The following MYLK2 variants were observed in gnomAD, a reference collection of about 807,000 sequenced individuals.
MYLK2 encodes the protein myosin light chain kinase 2, skeletal/cardiac muscle.
MYLK2 carries 27 observed loss-of-function variants against 58.2 expected under a neutral mutation model. That is an observed-to-expected ratio of 0.46 (90% confidence interval 0.34 to 0.64). The LOEUF (loss-of-function observed/expected upper bound fraction) is 0.64. MYLK2 is among the 30% of genes least tolerant of loss of function. The pLI, the probability that MYLK2 is intolerant of heterozygous loss-of-function variation, is 0.01. For synonymous variants in MYLK2, 310 were observed against 296.7 expected (o/e 1.04, Z -0.46); for missense variants, 676 against 764.3 (o/e 0.88, Z 1.36).
chr20:31,831,267 G>T, intron 10 of MYLK2, 126 bp downstream of exon 10: 1 of 1,435,582 alleles, frequency 7.0e-7, no homozygotes, highest in South Asian at 1.2e-5. Context: ...TCAGGGGTTT[G>T]CTGGGGTTGG....
chr20:31,830,723 C>T, intron 8 of MYLK2, 96 bp from the exon 9 acceptor site: 1 of 1,288,166 alleles, frequency 7.8e-7, no homozygotes, highest in Admixed American at 1.7e-5. Flanking sequence ...GCAGCTTGGG[C>T]CTCTGCCTCA....
At chr20:31,821,353 A>G (rs2062251060) in intron 3 of MYLK2, 86 bp from the exon 4 acceptor site, 1 of 1,546,334 alleles carries the variant, frequency 6.5e-7, no homozygotes, top group African/African-American at 1.4e-5. Context: ...GTGGGGTTGG[A>G]TTAGCTCTGC....
intron 5 of MYLK2, 142 bp from the exon 6 acceptor site, chr20:31,824,117 G>A: frequency 6.6e-7 from 1 of 1,519,290 alleles, no homozygotes; most frequent in Non-Finnish European, 8.8e-7. Flanking sequence ...AGTCAGGGCT[G>A]GCTGGGGTGA....
At chr20:31,824,409 GGCACCTCTC>G (rs1255573232) in intron 6 of MYLK2, 57 bp downstream of exon 6, 3 of 1,567,630 alleles carry the variant, frequency 1.9e-6, no homozygotes, top group Non-Finnish European at 2.6e-6. Context: ...CCTTGGAGTG[GGCACCTCTC>G]GCCTCCCTCC....
Position 31,834,558 on chromosome 20 carries a change from C to T in MYLK2, c.*761C>T, listed in dbSNP as rs1045757080. 2.6e-5 allele frequency: 4 copies of T among 152,752 alleles called. No individual in the cohort carries two copies. The highest frequency in any genetic ancestry group is 9.6e-5 in the African/African-American group (4 of 41,466). 9.5% of individuals were successfully genotyped at this position (152,752 alleles called of 1,614,324 possible). A position where few individuals can be genotyped will look rare whatever the true frequency, so the allele number is the denominator to read the frequency against. On this transcript the variant is annotated 3_prime_UTR_variant, in exon 13 of 13. Coordinates refer to ENST00000375985, the MANE Select transcript of MYLK2 (RefSeq NM_033118.4). ...CCGGCCCAACCCAACCACTCGGGGC[C>T]CCCATCTTGGGGGTCACCCATGGCC...
intron 6 of MYLK2, chr20:31,824,605 C>A: frequency 1.0e-6 from 1 of 970,958 alleles, no homozygotes; most frequent in Non-Finnish European, 1.2e-6. Flanking sequence ...GATATTCATG[C>A]CCTCTGGTTC....
chr20:31,824,490 A>C, intron 6 of MYLK2, 138 bp downstream of exon 6: 1 of 1,516,144 alleles, frequency 6.6e-7, no homozygotes, highest in South Asian at 1.2e-5. Flanking sequence ...TACTACACAG[A>C]TAGAGAGATG....
rs368307488 is a variant in MYLK2, at chr20:31,823,721, G to A, written c.878+139G>A. On this transcript the variant is annotated intron_variant, in intron 5 of 12. Coordinates refer to ENST00000375985, the MANE Select transcript of MYLK2 (RefSeq NM_033118.4). ...CATGGACATGTTCACCTCTGTGTGG[G>A]ACACACACTGTGTGCAGCTGTCACA... 10 of 927,960 alleles carry A rather than the reference G, an allele frequency of 1.1e-5. No homozygotes were observed. In the East Asian group the frequency reaches 1.3e-4, roughly 12 times the overall value. 57.5% of individuals were successfully genotyped at this position (927,960 alleles called of 1,614,324 possible).
rs1347066058 is a variant in MYLK2, at chr20:31,833,935, G to A, written c.*138G>A. 6.4e-6 allele frequency: 5 copies of A among 783,650 alleles called. No individual in the cohort carries two copies. The highest frequency in any genetic ancestry group is 2.7e-5 in the East Asian group (1 of 37,460). The allele number at this position is 783,650 out of a possible 1,614,324, so 48.5% of individuals were successfully genotyped here. A position where few individuals can be genotyped will look rare whatever the true frequency, so the allele number is the denominator to read the frequency against. The stretch of plus-strand genomic sequence containing the variant: ...AAGGCTGTGCCAGGCTGGGAGGCTC[G>A]GGGCTCCCCACGCCCCCATGCAGTG... On this transcript the variant is annotated 3_prime_UTR_variant, in exon 13 of 13. Coordinates refer to ENST00000375985, the MANE Select transcript of MYLK2 (RefSeq NM_033118.4).
intron 4 of MYLK2, among the ~76,000 whole-genome samples, chr20:31,822,300 G>A (rs2062255290): frequency 1.3e-5 from 2 of 152,154 alleles, no homozygotes; most frequent in African/African-American, 2.4e-5. Context: ...AAACTCCCTG[G>A]GCAATGGAAT....
chr20:31,825,115 T>C (rs6060975), intron 6 of MYLK2, among the ~76,000 whole-genome samples: 12,797 of 152,180 alleles, frequency 0.084, 593 homozygotes, highest in African/African-American at 0.12. Context: ...GTTCTGGGCA[T>C]CCCAGGCAGA....
intron 6 of MYLK2, among the ~76,000 whole-genome samples, chr20:31,825,972 T>C (rs1465724767): frequency 6.6e-6 from 1 of 152,144 alleles, no homozygotes; most frequent in African/African-American, 2.4e-5. Flanking sequence ...ATAATCTAGC[T>C]TGAAGGTAGA....
chr20:31,823,400 C>T, intron 4 of MYLK2, 77 bp from the exon 5 acceptor site: 1 of 1,357,338 alleles, frequency 7.4e-7, no homozygotes, highest in East Asian at 2.3e-5. Flanking sequence ...GGGCCCAGGC[C>T]AGCAGGAGGG....
intron 12 of MYLK2, 31 bp downstream of exon 12, chr20:31,832,167 G>A (rs1239069658): frequency 4.6e-6 from 6 of 1,291,614 alleles, no homozygotes; most frequent in South Asian, 1.2e-5. Context: ...GGGAGGGAGG[G>A]CTTGCTAGTG....
Position 31,823,787 on chromosome 20 carries a change from C to T in MYLK2, c.878+205C>T, listed in dbSNP as rs547212636. On this transcript the variant is annotated intron_variant, in intron 5 of 12. Coordinates refer to ENST00000375985, the MANE Select transcript of MYLK2 (RefSeq NM_033118.4). ...AGTGTTGCTGTCACTTACTCAGACGCACCGTCAGCCATTCAGTGCTTCCGT... is the reference window on the plus strand; with the variant it reads ...AGTGTTGCTGTCACTTACTCAGACGTACCGTCAGCCATTCAGTGCTTCCGT... The T allele has an allele frequency of 7.8e-6, 3 of 385,564 alleles. No homozygotes were observed. In the East Asian group the frequency reaches 4.9e-4, roughly 63 times the overall value. 23.9% of individuals were successfully genotyped at this position (385,564 alleles called of 1,614,324 possible).
chr20:31,826,197 A>G (rs1297087206), intron 6 of MYLK2, among the ~76,000 whole-genome samples: 2 of 152,190 alleles, frequency 1.3e-5, no homozygotes, highest in Non-Finnish European at 1.5e-5. Context: ...TTAGACAACT[A>G]AGGCAAGTAG....
At position 31,820,351 on chromosome 20, in the gene MYLK2, C is replaced by T. The variant is rs1487642158; in HGVS notation, c.278C>T (p.Pro93Leu). The change falls in exon 3 of 13, where the codon CCC becomes CTC. Residue 93 changes from proline (P) to leucine (L), a missense_variant. Pro to Leu is a moderately conservative substitution (Grantham distance 98). Around this residue, in one of 2 missense-constraint regions of MYLK2, gnomAD observed 306 missense variants for 296.5 expected, o/e 1.03. Coordinates refer to ENST00000375985, the MANE Select transcript of MYLK2 (RefSeq NM_033118.4). ...GGGPAEGSAG[P>L]PAALPQQTAT... ...GGGCCCGCGGAGGGCAGTGCTGGGC[C>T]CCCGGCAGCCCTGCCCCAGCAGACT... 6.2e-7 allele frequency: 1 copy of T among 1,612,674 alleles called. No individual in the cohort carries two copies. Among genetic ancestry groups the T allele is most frequent in the Non-Finnish European group, 8.5e-7 (1 of 1,179,828 alleles).
intron 3 of MYLK2, among the ~76,000 whole-genome samples, 159 bp downstream of exon 3, chr20:31,820,705 C>A (rs1238519892): frequency 6.6e-6 from 1 of 152,192 alleles, no homozygotes; most frequent in Non-Finnish European, 1.5e-5. Flanking sequence ...GCCTCTACCG[C>A]CTTGTCCCCT....
In MYLK2 at chr20:31,826,648, A is replaced by G. The variant is rs397517471; in HGVS notation, c.1016A>G (p.His339Arg). 3.1e-6 allele frequency: 5 copies of G among 1,614,072 alleles called. No homozygotes were observed. Among genetic ancestry groups the G allele is most frequent in the Non-Finnish European group, 4.2e-6 (5 of 1,180,004 alleles). ...LEIEVMNQLN[H>R]RNLIQLYAAI... ...ATTGAGGTCATGAACCAGCTGAACC[A>G]CCGCAATCTGATCCAGCTGTATGCA... The change falls in exon 7 of 13, where the codon CAC (histidine) becomes CGC (arginine). Residue 339 changes from histidine (H) to arginine (R), a missense_variant. Transcript: ENST00000375985.
Sources: allele counts gnomAD v4.1 joint callset (sites outside exome capture counted in the v4.1 genomes callset), GRCh38; gene constraint gnomAD v4.1.1; regional missense constraint gnomAD v4.1.1; transcripts MANE v1.5; gene names NCBI Gene and HGNC (gene_info 2026-07-23, HGNC 2026-07-21).